The following TMEM131L variants were observed in gnomAD, a reference collection of about 807,000 sequenced individuals.
TMEM131L encodes the protein transmembrane protein 131-like.
A neutral mutation model predicts 192.2 loss-of-function variants in TMEM131L; 54 were observed. The ratio of observed to expected loss-of-function variants is 0.28; its 90% confidence interval spans 0.23 to 0.35. The LOEUF is 0.35. Among genes scored for constraint, TMEM131L ranks in the 10% least tolerant of loss-of-function variants. The probability of loss-of-function intolerance (pLI) is 1.00; values close to 1 mark genes in which losing one functional copy is unlikely to be tolerated. For missense variants in TMEM131L, 1,888 were observed against 1,972.9 expected, an observed-to-expected ratio of 0.96 and a Z score of 0.82; for synonymous variants, 701 against 704.9, an observed-to-expected ratio of 0.99 and a Z score of 0.09.
intron 25 of TMEM131L, among the ~76,000 whole-genome samples, chr4:153,604,907 G>A (rs1052274006): frequency 6.6e-6 from 1 of 152,148 alleles, no homozygotes; most frequent in Non-Finnish European, 1.5e-5. Context: ...GTTTCACCAT[G>A]TTGGCCAGGC....
chr4:153,560,407 T>C (rs1728772645), intron 7 of TMEM131L, among the ~76,000 whole-genome samples: 1 of 152,252 alleles, frequency 6.6e-6, no homozygotes, highest in Non-Finnish European at 1.5e-5. Context: ...TTGGTCTTTG[T>C]TTCTGCTTCA....
chr4:153,550,439 A>G (rs949781187), intron 4 of TMEM131L, among the ~76,000 whole-genome samples: 45 of 151,812 alleles, frequency 3.0e-4, no homozygotes, highest in East Asian at 1.6e-3. Context: ...CCATTCTCCT[A>G]CCTCAGCCTC....
At chr4:153,504,257 G>T (rs1392560458) in intron 3 of TMEM131L, among the ~76,000 whole-genome samples, 1 of 132,772 alleles carries the variant, frequency 7.5e-6, no homozygotes, top group African/African-American at 2.7e-5. Context: ...GTGAGCCACC[G>T]CGGTCGGCCT....
In TMEM131L at chr4:153,585,429, C is replaced by T; in HGVS notation, c.1158-29C>T. ...GCTGACTGTTGTCCCACACTCAGGC[C>T]TGATAGCATGCATGTCGTCTGTTCA... On this transcript the variant is annotated intron_variant, in intron 12 of 34. Coordinates refer to ENST00000409959, the MANE Select transcript of TMEM131L (RefSeq NM_001131007.2). 3.1e-6 allele frequency: 5 copies of T among 1,611,406 alleles called. No individual in the cohort carries two copies. In the South Asian group the frequency reaches 5.5e-5, roughly 18 times the overall value.
chr4:153,624,640 C>G (rs1342643653), intron 29 of TMEM131L, among the ~76,000 whole-genome samples: 1 of 152,234 alleles, frequency 6.6e-6, no homozygotes, highest in Admixed American at 6.5e-5. Context: ...TTCTCACTGT[C>G]ATCTGAAGAC....
intron 3 of TMEM131L, among the ~76,000 whole-genome samples, chr4:153,538,960 G>A (rs972430027): frequency 6.6e-6 from 1 of 152,118 alleles, no homozygotes; most frequent in Non-Finnish European, 1.5e-5. Context: ...ACTTAGTCCC[G>A]TGGCCGTACC....
intron 6 of TMEM131L, among the ~76,000 whole-genome samples, chr4:153,557,995 TC>T (rs1322462878): frequency 1.3e-5 from 2 of 152,176 alleles, no homozygotes; most frequent in African/African-American, 4.8e-5. Flanking sequence ...GGTCTCAAAC[TC>T]CTGTCCTCAA....
At chr4:153,570,260 C>G (rs1729497530) in intron 7 of TMEM131L, among the ~76,000 whole-genome samples, 1 of 152,196 alleles carries the variant, frequency 6.6e-6, no homozygotes, top group Admixed American at 6.5e-5. Context: ...CCCCCCACTT[C>G]CCAGCCCTCC....
intron 3 of TMEM131L, among the ~76,000 whole-genome samples, chr4:153,488,848 G>T (rs1361141705): frequency 6.6e-6 from 1 of 152,172 alleles, no homozygotes; most frequent in East Asian, 1.9e-4. Flanking sequence ...GCTTCTGCGG[G>T]CTCGCCGGCA....
chr4:153,592,997 C>T (rs539132356), intron 18 of TMEM131L, among the ~76,000 whole-genome samples: 2 of 152,138 alleles, frequency 1.3e-5, no homozygotes, highest in East Asian at 1.9e-4. Flanking sequence ...ATACTAAAAT[C>T]TCAAGGATGT....
chr4:153,550,893 T>C (rs1227499991), intron 4 of TMEM131L, among the ~76,000 whole-genome samples: 4 of 152,150 alleles, frequency 2.6e-5, no homozygotes, highest in Admixed American at 1.3e-4. Flanking sequence ...TAAACTGTAA[T>C]GACTTTACAG....
intron 21 of TMEM131L, 126 bp from the exon 22 acceptor site, chr4:153,602,026 A>G: frequency 3.6e-6 from 2 of 558,508 alleles, no homozygotes; most frequent in Non-Finnish European, 6.0e-6. Context: ...CTTATGTTGG[A>G]TTTTTTTCGC....
intron 1 of TMEM131L, 89 bp downstream of exon 1, chr4:153,466,610 A>G (rs1730764425): frequency 2.5e-5 from 29 of 1,160,412 alleles, no homozygotes; most frequent in Admixed American, 8.6e-5. Flanking sequence ...TAAGAGGGCG[A>G]GGGGAGGAAA....
At position 153,604,171 on chromosome 4, in the gene TMEM131L, A is replaced by C. The variant is rs1732049025; in HGVS notation, c.3159A>C (p.Leu1053Phe). 1 of 1,614,058 alleles carries C rather than the reference A, an allele frequency of 6.2e-7. No homozygotes were observed. Among genetic ancestry groups the C allele is most frequent in the South Asian group, 1.1e-5 (1 of 91,088 alleles). ...AGAATTTAACCCTTCCCAAAAACTT[A>C]CTGAATAAAGAAGAAAACACACTGA... The part of the protein sequence containing the change: ...LQKNLTLPKN[L>F]LNKEENTLKN... Residue 1053 changes from leucine (L) to phenylalanine (F), a missense_variant, in exon 25 of 35, where the codon TTA (leucine) becomes TTC (phenylalanine). Coordinates refer to ENST00000409959, the MANE Select transcript of TMEM131L (RefSeq NM_001131007.2).
At chr4:153,633,118 G>GAA in intron 32 of TMEM131L, 1 of 264,874 alleles carries the variant, frequency 3.8e-6, no homozygotes, top group Non-Finnish European at 7.1e-6. Context: ...AGGCAGATTT[G>GAA]AAAAAAAAAC....
intron 3 of TMEM131L, among the ~76,000 whole-genome samples, chr4:153,507,214 A>G (rs1734051556): frequency 6.6e-6 from 1 of 152,164 alleles, no homozygotes; most frequent in Non-Finnish European, 1.5e-5. Flanking sequence ...TGAAATGGCC[A>G]GGCTTGTTTT....
chr4:153,613,619 T>C (rs1376838838), intron 26 of TMEM131L, among the ~76,000 whole-genome samples: 3 of 152,228 alleles, frequency 2.0e-5, no homozygotes, highest in Admixed American at 6.5e-5. Context: ...ATTTTTCTTA[T>C]GTTAAATTTA....
intron 3 of TMEM131L, among the ~76,000 whole-genome samples, chr4:153,525,321 A>G (rs533706292): frequency 2.6e-5 from 4 of 152,320 alleles, no homozygotes; most frequent in Non-Finnish European, 5.9e-5. Flanking sequence ...TAACAGCCTC[A>G]TAAGTAAATC....
chr4:153,468,256 A>G (rs1463721452), intron 2 of TMEM131L, among the ~76,000 whole-genome samples: 2 of 152,200 alleles, frequency 1.3e-5, no homozygotes, highest in African/African-American at 4.8e-5. Flanking sequence ...TATTTAGAAT[A>G]TTCATTTTGA....
Sources: allele counts gnomAD v4.1 joint callset (sites outside exome capture counted in the v4.1 genomes callset), GRCh38; gene constraint gnomAD v4.1.1; transcripts MANE v1.5; gene names NCBI Gene and HGNC (gene_info 2026-07-23, HGNC 2026-07-21).